The following LARS2 variants were observed in gnomAD, a reference collection of about 807,000 sequenced individuals.
The protein encoded by LARS2 is leucyl-tRNA synthetase 2, mitochondrial, also known as leucine--tRNA ligase, mitochondrial.
In LARS2, 81 loss-of-function variants were observed where a neutral mutation model predicts 116.6. The ratio of observed to expected loss-of-function variants is 0.69; its 90% confidence interval spans 0.58 to 0.84. LARS2 has a LOEUF of 0.84. Ranked by LOEUF, LARS2 falls within the 40% of genes least tolerant of loss-of-function variation. The probability of loss-of-function intolerance (pLI) is 0.00; values close to 1 mark genes in which losing one functional copy is unlikely to be tolerated. For synonymous variants in LARS2, 396 were observed against 407.2 expected (o/e 0.97, Z 0.33); for missense variants, 968 against 1,114.5 (o/e 0.87, Z 1.87).
intron 6 of LARS2, among the ~76,000 whole-genome samples, chr3:45,428,772 G>C (rs1029657925): frequency 7.9e-5 from 12 of 152,054 alleles, no homozygotes; most frequent in Admixed American, 5.2e-4. Flanking sequence ...ACTTAGAAAG[G>C]TTGAAAGAAT....
chr3:45,529,157 C>A (rs1299534279), intron 20 of LARS2, among the ~76,000 whole-genome samples: 1 of 152,192 alleles, frequency 6.6e-6, no homozygotes, highest in Non-Finnish European at 1.5e-5. Flanking sequence ...ATGTGAGTCA[C>A]CGCGCCCGGC....
chr3:45,498,044 T>A (rs754868695), intron 14 of LARS2, among the ~76,000 whole-genome samples: 4 of 152,236 alleles, frequency 2.6e-5, no homozygotes, highest in Non-Finnish European at 5.9e-5. Context: ...GGGGCTCCCC[T>A]TCAGGGCCTT....
At chr3:45,540,293 G>A (rs900668828) in intron 20 of LARS2, among the ~76,000 whole-genome samples, 3 of 152,158 alleles carry the variant, frequency 2.0e-5, no homozygotes, top group Non-Finnish European at 2.9e-5. Context: ...CTGGCTGAAC[G>A]TGACTTTTAT....
rs372228285 is a variant in LARS2, at chr3:45,530,350, T to C, written c.2404+6242T>C. Among the ~76,000 whole-genome samples the C allele has an allele frequency of 2.3e-3, 354 of 152,242 alleles. 11 individuals are homozygous for C. The South Asian group carries it at 0.067, about 29-fold the overall frequency. The stretch of plus-strand genomic sequence containing the variant: ...TCTTGGCCAACATGGTGAAACCCCA[T>C]CTCTATTAAAAATACAAAAATTAGC... On this transcript the variant is annotated intron_variant, in intron 20 of 21. Coordinates refer to ENST00000645846, the MANE Select transcript of LARS2 (RefSeq NM_015340.4).
intron 6 of LARS2, among the ~76,000 whole-genome samples, chr3:45,428,530 C>T (rs1406231851): frequency 1.3e-5 from 2 of 152,202 alleles, no homozygotes; most frequent in Admixed American, 6.5e-5. Flanking sequence ...CAGGCGTGAG[C>T]CACCGCGCCC....
chr3:45,512,977 C>T (rs1008650477), intron 15 of LARS2, among the ~76,000 whole-genome samples, 158 bp from the exon 16 acceptor site: 14 of 152,164 alleles, frequency 9.2e-5, no homozygotes, highest in Non-Finnish European at 1.9e-4. Context: ...TCTAAGGAGC[C>T]ATTTGTTTAA....
At chr3:45,429,861 C>T (rs1038313579) in intron 6 of LARS2, among the ~76,000 whole-genome samples, 11 of 151,412 alleles carry the variant, frequency 7.3e-5, no homozygotes, top group Non-Finnish European at 1.0e-4. Flanking sequence ...GCCACCACAC[C>T]CAGCTGATTT....
At chr3:45,452,600 T>G (rs1234335416) in intron 7 of LARS2, among the ~76,000 whole-genome samples, 1 of 152,216 alleles carries the variant, frequency 6.6e-6, no homozygotes, top group African/African-American at 2.4e-5. Context: ...ACTATTTTGT[T>G]GAGGATTTTT....
intron 6 of LARS2, among the ~76,000 whole-genome samples, chr3:45,441,801 C>G (rs752688658): frequency 6.6e-6 from 1 of 152,022 alleles, no homozygotes; most frequent in Non-Finnish European, 1.5e-5. Context: ...GGTGGCAGGT[C>G]GCAAAAGATG....
At chr3:45,447,170 TACCCCATA>T (rs918041541) in intron 7 of LARS2, among the ~76,000 whole-genome samples, 190 bp downstream of exon 7, 6 of 152,208 alleles carry the variant, frequency 3.9e-5, no homozygotes, top group Admixed American at 3.9e-4. Context: ...CTTGAATTCT[TACCCCATA>T]ACCTATTGTC....
At chr3:45,525,761 A>T (rs1454725710) in intron 20 of LARS2, among the ~76,000 whole-genome samples, 1 of 152,174 alleles carries the variant, frequency 6.6e-6, no homozygotes, top group Non-Finnish European at 1.5e-5. Context: ...CAGGTGGCTT[A>T]GTTGGAAGAA....
chr3:45,426,628 C>T (rs548908016), intron 6 of LARS2, among the ~76,000 whole-genome samples: 12 of 152,280 alleles, frequency 7.9e-5, no homozygotes, highest in African/African-American at 2.9e-4. Flanking sequence ...GACCACATCT[C>T]ATTAATAGAC....
rs763424959 is a variant in LARS2 at position 45,394,666 on chromosome 3, C to T, written c.213C>T (p.Ala71=). ...KWWHQRIKEQ[A]SKISEADKSK... is the part of the protein sequence containing the mutation. ...GGCATCAACGAATAAAAGAACAGGC[C>T]TCCAAAATTTCAGAAGCTGATGTGA... is the stretch of plus-strand genomic sequence containing the variant. The change falls in exon 3 of 22, where the codon GCC becomes GCT. Residue 71 remains alanine (A), a synonymous_variant. Coordinates refer to ENST00000645846, the MANE Select transcript of LARS2 (RefSeq NM_015340.4). The T allele has an allele frequency of 3.1e-6, 5 of 1,613,220 alleles. No homozygotes were observed. Among genetic ancestry groups the T allele is most frequent in the Non-Finnish European group, 4.2e-6 (5 of 1,179,218 alleles).
intron 10 of LARS2, among the ~76,000 whole-genome samples, chr3:45,484,902 C>T (rs1220735773): frequency 1.3e-5 from 2 of 151,394 alleles, no homozygotes; most frequent in African/African-American, 4.9e-5. Context: ...CCTGTACACC[C>T]CCCATATTTC....
chr3:45,536,294 A>AT (rs1037327805), intron 20 of LARS2, among the ~76,000 whole-genome samples: 15 of 151,892 alleles, frequency 9.9e-5, no homozygotes, highest in African/African-American at 3.1e-4. Context: ...CTAATTTTTT[A>AT]TTTTTTTGTA....
intron 6 of LARS2, among the ~76,000 whole-genome samples, chr3:45,431,133 G>A (rs1393236814): frequency 6.6e-6 from 1 of 152,156 alleles, no homozygotes; most frequent in East Asian, 1.9e-4. Context: ...TGACAGACAA[G>A]TCAAGAAGTC....
intron 10 of LARS2, among the ~76,000 whole-genome samples, chr3:45,481,781 A>C (rs759302126): frequency 6.6e-6 from 1 of 152,102 alleles, no homozygotes; most frequent in Non-Finnish European, 1.5e-5. Context: ...GTAATCTACT[A>C]AGTTGTTCTC....
intron 6 of LARS2, among the ~76,000 whole-genome samples, chr3:45,441,214 A>G (rs991430548): frequency 6.6e-6 from 1 of 151,976 alleles, no homozygotes; most frequent in African/African-American, 2.4e-5. Flanking sequence ...TAGTAGAGAC[A>G]TGGTTTCACC....
intron 10 of LARS2, among the ~76,000 whole-genome samples, chr3:45,480,997 T>C (rs890576962): frequency 2.3e-4 from 35 of 152,166 alleles, no homozygotes; most frequent in African/African-American, 8.2e-4. Context: ...TTTAGAACAT[T>C]TTCATCATCC....
Sources: gnomAD v4.1 joint callset for allele counts (sites outside exome capture counted in the v4.1 genomes callset) on GRCh38, gnomAD v4.1.1 for gene constraint, MANE v1.5 for transcripts, NCBI Gene and HGNC (gene_info 2026-07-23, HGNC 2026-07-21) for gene names.